The following PRKCA variants were observed in gnomAD, a reference collection of about 807,000 sequenced individuals.
PRKCA encodes protein kinase C alpha type.
PRKCA carries 27 observed loss-of-function variants against 87.0 expected under a neutral mutation model. That is an observed-to-expected ratio of 0.31 (90% CI 0.23 to 0.43). PRKCA has a LOEUF of 0.43. Among genes scored for constraint, PRKCA ranks in the 20% least tolerant of loss-of-function variants. The pLI is 1.00. For missense variants in PRKCA, 518 were observed against 852.3 expected (o/e 0.61, Z 4.88); for synonymous variants, 329 against 311.1 (o/e 1.06, Z -0.61).
intron 8 of PRKCA, among the ~76,000 whole-genome samples, chr17:66,697,381 G>A (rs758652930): frequency 1.2e-4 from 18 of 152,132 alleles, no homozygotes; most frequent in Admixed American, 6.5e-5. Context: ...AGGAGTCTAG[G>A]AGGCCAGCAG....
intron 3 of PRKCA, among the ~76,000 whole-genome samples, chr17:66,592,420 C>T (rs1280807877): frequency 1.3e-5 from 2 of 151,554 alleles, no homozygotes; most frequent in African/African-American, 2.4e-5. Context: ...CACCCACCCT[C>T]CTCAAAAAAT....
chr17:66,386,793 A>G (rs1435428238), intron 2 of PRKCA, among the ~76,000 whole-genome samples: 1 of 144,180 alleles, frequency 6.9e-6, no homozygotes, highest in Non-Finnish European at 1.5e-5. Context: ...AACCTCTAAA[A>G]GCCTTTTTTT....
chr17:66,804,144 A>T lies in PRKCA; in HGVS notation c.*107A>T. 1 of 1,436,302 alleles carries T rather than the reference A, an allele frequency of 7.0e-7. No individual in the cohort carries two copies. The highest frequency in any genetic ancestry group is 9.3e-7 in the Non-Finnish European group (1 of 1,078,610). The allele number at this position is 1,436,302 out of a possible 1,614,324, so 89.0% of individuals were successfully genotyped here. On this transcript the variant is annotated 3_prime_UTR_variant, in exon 17 of 17. Transcript: ENST00000413366. ...AGGCCACGGCCTTGTGTCTGATTCCATATGGAGGCCTGAAAATTGTAGGGT... is the reference window on the plus strand; with the variant it reads ...AGGCCACGGCCTTGTGTCTGATTCCTTATGGAGGCCTGAAAATTGTAGGGT...
chr17:66,699,981 C>T (rs1278725726), intron 8 of PRKCA, among the ~76,000 whole-genome samples: 2 of 152,220 alleles, frequency 1.3e-5, no homozygotes, highest in Admixed American at 6.5e-5. Flanking sequence ...GCCCTGATAC[C>T]AAATCCAGGC....
chr17:66,327,402 G>A (rs1906047879), intron 2 of PRKCA, among the ~76,000 whole-genome samples: 1 of 151,426 alleles, frequency 6.6e-6, no homozygotes, highest in Non-Finnish European at 1.5e-5. Context: ...TGGGTGTGGT[G>A]GTGTGTGCCT....
intron 2 of PRKCA, among the ~76,000 whole-genome samples, chr17:66,489,419 A>T (rs1916134252): frequency 7.0e-6 from 1 of 143,006 alleles, no homozygotes; most frequent in African/African-American, 2.6e-5. Context: ...TGAATATAGC[A>T]ATCCGTGTTA....
intron 2 of PRKCA, among the ~76,000 whole-genome samples, chr17:66,327,998 G>A (rs1259060949): frequency 6.6e-6 from 1 of 152,092 alleles, no homozygotes; most frequent in African/African-American, 2.4e-5. Context: ...AAAGCACTAC[G>A]GGATTTTGGC....
chr17:66,478,222 T>C (rs1225145191), intron 2 of PRKCA, among the ~76,000 whole-genome samples: 1 of 152,202 alleles, frequency 6.6e-6, no homozygotes, highest in East Asian at 1.9e-4. Flanking sequence ...TGCATTCCTC[T>C]AGCTCCGTGA....
intron 2 of PRKCA, among the ~76,000 whole-genome samples, chr17:66,490,605 T>C (rs1419550473): frequency 6.6e-6 from 1 of 151,896 alleles, no homozygotes; most frequent in Non-Finnish European, 1.5e-5. Context: ...AGACGGAGTC[T>C]TGCTCTGTCA....
chr17:66,544,276 C>A (rs1968082396), intron 3 of PRKCA, among the ~76,000 whole-genome samples: 1 of 151,838 alleles, frequency 6.6e-6, no homozygotes, highest in Admixed American at 6.6e-5. Flanking sequence ...GAAGAAGACC[C>A]CCATGTAGTT....
At chr17:66,465,623 T>G (rs1915051380) in intron 2 of PRKCA, among the ~76,000 whole-genome samples, 1 of 151,826 alleles carries the variant, frequency 6.6e-6, no homozygotes, top group Non-Finnish European at 1.5e-5. Flanking sequence ...GGTCTCACAC[T>G]CCTGAGCTTG....
At chr17:66,647,154 CTT>C (rs1971479061) in intron 5 of PRKCA, among the ~76,000 whole-genome samples, 2 of 152,258 alleles carry the variant, frequency 1.3e-5, no homozygotes, top group Admixed American at 6.5e-5. Flanking sequence ...CAGCTTTGCT[CTT>C]GTTTCTCTTT....
chr17:66,403,382 T>A (rs938103632), intron 2 of PRKCA, among the ~76,000 whole-genome samples: 1 of 152,204 alleles, frequency 6.6e-6, no homozygotes, highest in Non-Finnish European at 1.5e-5. Context: ...CACACCTACA[T>A]ACACAGCTCT....
chr17:66,475,855 G>A (rs1471243844), intron 2 of PRKCA, among the ~76,000 whole-genome samples: 1 of 151,886 alleles, frequency 6.6e-6, no homozygotes, highest in African/African-American at 2.4e-5. Flanking sequence ...TAATTGTGAG[G>A]GGTCCTTTTT....
chr17:66,761,711 A>C (rs1412701559), intron 13 of PRKCA, among the ~76,000 whole-genome samples: 1 of 151,688 alleles, frequency 6.6e-6, no homozygotes, highest in Non-Finnish European at 1.5e-5. Flanking sequence ...AATGTGAGCC[A>C]CTGTGCCCGG....
intron 2 of PRKCA, among the ~76,000 whole-genome samples, chr17:66,373,144 G>A (rs1272777569): frequency 1.3e-5 from 2 of 152,150 alleles, no homozygotes; most frequent in African/African-American, 4.8e-5. Context: ...TGAAAATGTA[G>A]TGTATTTGCT....
chr17:66,786,905 G>C lies in PRKCA; in HGVS notation c.1644G>C (p.Gln548His). 6.2e-7 allele frequency: 1 copy of C among 1,614,164 alleles called. No homozygotes were observed. The highest frequency in any genetic ancestry group is 8.5e-7 in the Non-Finnish European group (1 of 1,180,010). Residue 548 changes from glutamine to histidine, a missense_variant, in exon 15 of 17, where the codon CAG (glutamine) becomes CAC (histidine). Physicochemically the swap from Gln to His is conservative, Grantham distance 24 (BLOSUM62 0). Transcript: ENST00000413366. ...GTGAAGATGAAGACGAGCTATTTCA[G>C]TCTATCATGGAGCACAACGTTTCCT... Reference protein sequence around the residue: ...FDGEDEDELFQSIMEHNVSYP... With the variant: ...FDGEDEDELFHSIMEHNVSYP...
At chr17:66,563,884 G>A (rs773885659) in intron 3 of PRKCA, among the ~76,000 whole-genome samples, 1 of 151,966 alleles carries the variant, frequency 6.6e-6, no homozygotes, top group Non-Finnish European at 1.5e-5. Flanking sequence ...CATCAGTTAT[G>A]TATAGAAATG....
intron 8 of PRKCA, among the ~76,000 whole-genome samples, chr17:66,706,485 A>AC (rs1973195212): frequency 6.6e-6 from 1 of 151,470 alleles, no homozygotes; most frequent in African/African-American, 2.4e-5. Context: ...AATACAAAAA[A>AC]AAAAAAAATT....
Sources: allele counts gnomAD v4.1 joint callset (sites outside exome capture counted in the v4.1 genomes callset), GRCh38; gene constraint gnomAD v4.1.1; transcripts MANE v1.5; gene names NCBI Gene and HGNC (gene_info 2026-07-23, HGNC 2026-07-21).